PRDM1: variants seen among roughly 807,000 people sequenced by gnomAD.
The protein encoded by PRDM1 is PR domain zinc finger protein 1.
Under a neutral mutation model 62.8 loss-of-function variants are expected in PRDM1, and 13 were observed. That is an observed-to-expected ratio of 0.21 (90% confidence interval 0.13 to 0.33). PRDM1 has a LOEUF of 0.33. Ranked by LOEUF, PRDM1 falls within the 10% of genes least tolerant of loss-of-function variation. PRDM1 has a pLI of 1.00. For missense variants in PRDM1, 895 were observed against 1,058.8 expected (o/e 0.85, Z 2.15); for synonymous variants, 396 against 417.6 (o/e 0.95, Z 0.63).
At chr6:106,088,567 A>C in intron 2 of PRDM1, 118 bp downstream of exon 2, 1 of 1,123,662 alleles carries the variant, frequency 8.9e-7, no homozygotes, top group African/African-American at 1.6e-5. Context: ...TCAGTAAATA[A>C]TTGATTGCTC....
intron 1 of PRDM1, among the ~76,000 whole-genome samples, chr6:106,054,416 A>C (rs910335087): frequency 4.6e-5 from 7 of 152,068 alleles, no homozygotes; most frequent in African/African-American, 1.4e-4. Context: ...CTCTCACTTA[A>C]AACTAATTCT....
intron 1 of PRDM1, among the ~76,000 whole-genome samples, chr6:106,020,056 A>G (rs1333045477): frequency 1.4e-5 from 2 of 146,976 alleles, no homozygotes; most frequent in Non-Finnish European, 3.0e-5. Context: ...GTGAAACCCC[A>G]TCTCCACCAA....
At chr6:106,022,578 C>T (rs1772708191) in intron 1 of PRDM1, among the ~76,000 whole-genome samples, 1 of 152,078 alleles carries the variant, frequency 6.6e-6, no homozygotes, top group Admixed American at 6.5e-5. Flanking sequence ...GCACATGCCA[C>T]CAAGCCTGGC....
chr6:106,013,826 G>A (rs919117777), intron 1 of PRDM1, among the ~76,000 whole-genome samples: 13 of 152,100 alleles, frequency 8.5e-5, no homozygotes, highest in Admixed American at 8.5e-4. Flanking sequence ...TGGTTCTTCT[G>A]CATAGAATTC....
intron 1 of PRDM1, among the ~76,000 whole-genome samples, chr6:106,037,980 ACTCT>A (rs1253214094): frequency 1.6e-5 from 2 of 121,316 alleles, no homozygotes; most frequent in Non-Finnish European, 1.7e-5. Context: ...TGGAAATCAG[ACTCT>A]CTCCCTTTCC....
At chr6:106,050,857 A>G (rs971940834) in intron 1 of PRDM1, among the ~76,000 whole-genome samples, 2 of 152,262 alleles carry the variant, frequency 1.3e-5, no homozygotes, top group Non-Finnish European at 2.9e-5. Context: ...AAAAGTTACA[A>G]GTAAAGCAAA....
chr6:106,020,159 G>A (rs1204353503), intron 1 of PRDM1, among the ~76,000 whole-genome samples: 2 of 147,228 alleles, frequency 1.4e-5, no homozygotes, highest in Non-Finnish European at 3.0e-5. Flanking sequence ...ACCCAGGAGG[G>A]GAAATAGAAC....
intron 2 of PRDM1, among the ~76,000 whole-genome samples, chr6:106,092,401 G>A (rs4946725): frequency 0.081 from 12,361 of 152,250 alleles, 667 homozygotes; most frequent in East Asian, 0.18. Context: ...AGGAGGTATT[G>A]AAGCCGGGTG....
At chr6:106,098,818 G>T in intron 3 of PRDM1, 1 of 1,521,856 alleles carries the variant, frequency 6.6e-7, no homozygotes, top group Non-Finnish European at 8.9e-7. Flanking sequence ...GGGCGGGGGT[G>T]TAGGAAACGG....
Position 106,108,446 on chromosome 6 carries a change from A to G in PRDM1, c.*960A>G. On this transcript the variant is annotated 3_prime_UTR_variant, in exon 7 of 7. Coordinates refer to ENST00000369096, the MANE Select transcript of PRDM1 (RefSeq NM_001198.4). ...TTAAAACCACTGCGAAAATTTCCCC[A>G]AAGCATAGGTGGCTTTGTGTGTGTG... is the stretch of plus-strand genomic sequence containing the variant. 4.3e-6 allele frequency: 1 copy of G among 232,456 alleles called. No individual in the cohort carries two copies. The highest frequency in any genetic ancestry group is 8.5e-6 in the Non-Finnish European group (1 of 117,600). The allele number at this position is 232,456 out of a possible 1,614,324, so 14.4% of individuals were successfully genotyped here. A position where few individuals can be genotyped will look rare whatever the true frequency, so the allele number is the denominator to read the frequency against.
At chr6:106,026,425 G>A (rs1267377839) in intron 1 of PRDM1, among the ~76,000 whole-genome samples, 2 of 152,132 alleles carry the variant, frequency 1.3e-5, no homozygotes, top group Admixed American at 6.6e-5. Context: ...GTTGCAGCGA[G>A]CCAAGATCGT....
chr6:106,100,631 G>A (rs560790586), intron 4 of PRDM1: 2 of 152,282 alleles, frequency 1.3e-5, no homozygotes, highest in South Asian at 4.1e-4. Context: ...CAATGAACAA[G>A]CCAAGTACTT....
At position 106,105,151 on chromosome 6, in the gene PRDM1, T is replaced by A; in HGVS notation, c.991T>A (p.Ser331Thr). The A allele has an allele frequency of 6.2e-7, 1 of 1,612,732 alleles. No homozygotes were observed. The highest frequency in any genetic ancestry group is 8.5e-7 in the Non-Finnish European group (1 of 1,179,510). Residue 331 changes from serine to threonine, a missense_variant, in exon 5 of 7, where the codon TCC (serine) becomes ACC (threonine). Coordinates refer to ENST00000369096, the MANE Select transcript of PRDM1 (RefSeq NM_001198.4). ...GTACATCACTCGCTCCCCCATTCCA[T>A]CCTCCACCACTCCAAGCCCCTCTGC... Reference protein sequence around the residue: ...PTYITRSPIPSSTTPSPSARS... With the variant: ...PTYITRSPIPTSTTPSPSARS...
intron 1 of PRDM1, among the ~76,000 whole-genome samples, chr6:106,077,441 C>T (rs534713416): frequency 1.3e-5 from 2 of 152,308 alleles, no homozygotes; most frequent in East Asian, 1.9e-4. Flanking sequence ...CCAAGGCTCC[C>T]TGTTTTCCAT....
At chr6:106,099,135 T>A in intron 3 of PRDM1, 165 bp from the exon 4 acceptor site, 3 of 1,610,442 alleles carry the variant, frequency 1.9e-6, no homozygotes, top group Non-Finnish European at 2.5e-6. Flanking sequence ...CCGCCCTGAT[T>A]TCTGCTGATT....
chr6:106,004,163 C>G (rs1000668737), intron 1 of PRDM1, among the ~76,000 whole-genome samples: 1 of 152,026 alleles, frequency 6.6e-6, no homozygotes, highest in Non-Finnish European at 1.5e-5. Flanking sequence ...TCTCTGCAGC[C>G]TGACCTCTCC....
chr6:106,042,928 G>A (rs563467030), intron 1 of PRDM1, among the ~76,000 whole-genome samples: 10 of 152,266 alleles, frequency 6.6e-5, no homozygotes, highest in South Asian at 2.1e-4. Context: ...TCGGCTCACC[G>A]CAATCTCCAC....
chr6:106,041,962 C>A (rs1270925943), intron 1 of PRDM1, among the ~76,000 whole-genome samples: 1 of 151,260 alleles, frequency 6.6e-6, no homozygotes, highest in East Asian at 2.0e-4. Context: ...TGCATGCCAC[C>A]GTGTGTGGCT....
In PRDM1 at chr6:106,086,568, C is replaced by G. The variant is rs1717334365; in HGVS notation, c.15C>G (p.Cys5Trp). 1 of 1,551,448 alleles carries G rather than the reference C, an allele frequency of 6.4e-7. No individual in the cohort carries two copies. Among genetic ancestry groups the G allele is most frequent in the Non-Finnish European group, 8.7e-7 (1 of 1,146,708 alleles). Residue 5 changes from cysteine to tryptophan, a missense_variant, in exon 1 of 7, where the codon TGC becomes TGG. Around this residue, in one of 4 missense-constraint regions of PRDM1, gnomAD observed 213 missense variants for 283.9 expected, o/e 0.75. Coordinates refer to ENST00000369096, the MANE Select transcript of PRDM1 (RefSeq NM_001198.4). ...ACTTTTCTCAGATGTTGGATATTTG[C>G]TTGGAAAAACGTGTGGGTACGACCT... MLDI[C>W]LEKRVGTTLA...
Sources: allele counts gnomAD v4.1 joint callset (sites outside exome capture counted in the v4.1 genomes callset), GRCh38; gene constraint gnomAD v4.1.1; regional missense constraint gnomAD v4.1.1; transcripts MANE v1.5; gene names NCBI Gene and HGNC (gene_info 2026-07-23, HGNC 2026-07-21).